SHOC2: variants seen among roughly 807,000 people sequenced by gnomAD.
SHOC2 encodes SHOC2 leucine rich repeat scaffold protein, also known as leucine-rich repeat protein SHOC-2.
Under a neutral mutation model 50.2 loss-of-function variants are expected in SHOC2, and 4 were observed. The observed-to-expected ratio is 0.08, with a 90% CI of 0.04 to 0.18. SHOC2 has a LOEUF of 0.18. Ranked by LOEUF, SHOC2 falls within the 10% of genes least tolerant of loss-of-function variation. SHOC2 has a pLI of 1.00. For missense variants in SHOC2, 388 were observed against 669.6 expected (o/e 0.58, Z 4.64); for synonymous variants, 218 against 244.5 (o/e 0.89, Z 1.01).
At chr10:110,995,187 C>T (rs1317019164) in intron 3 of SHOC2, among the ~76,000 whole-genome samples, 1 of 152,152 alleles carries the variant, frequency 6.6e-6, no homozygotes, top group Non-Finnish European at 1.5e-5. Flanking sequence ...ATGCTTAGCA[C>T]TGAAACCAAT....
At chr10:110,929,679 C>T (rs936586394) in intron 1 of SHOC2, among the ~76,000 whole-genome samples, 1 of 152,194 alleles carries the variant, frequency 6.6e-6, no homozygotes, top group African/African-American at 2.4e-5. Flanking sequence ...AGCAAGTTCT[C>T]TGGTCTCCTC....
chr10:110,994,390 T>TATTA (rs1848233462), intron 3 of SHOC2, among the ~76,000 whole-genome samples: 1 of 152,202 alleles, frequency 6.6e-6, no homozygotes, highest in African/African-American at 2.4e-5. Flanking sequence ...TTTTGTTATT[T>TATTA]ATTAAAATTT....
chr10:111,000,581 G>T (rs762387345), intron 4 of SHOC2, 36 bp downstream of exon 4: 1 of 1,563,722 alleles, frequency 6.4e-7, no homozygotes, highest in Non-Finnish European at 8.8e-7. Flanking sequence ...GATTTGAAAT[G>T]AGTCTGCAAG....
intron 3 of SHOC2, among the ~76,000 whole-genome samples, chr10:110,991,632 A>G (rs1370323239): frequency 6.6e-6 from 1 of 152,162 alleles, no homozygotes; most frequent in Non-Finnish European, 1.5e-5. Flanking sequence ...TAAAATAATT[A>G]CTTTATCTTT....
chr10:110,952,242 A>T (rs992329459), intron 1 of SHOC2, among the ~76,000 whole-genome samples: 1 of 152,186 alleles, frequency 6.6e-6, no homozygotes, highest in Middle Eastern at 3.2e-3. Flanking sequence ...AGCAAAATTG[A>T]GTTGGAAGTA....
intron 1 of SHOC2, among the ~76,000 whole-genome samples, chr10:110,941,204 G>A (rs1847137593): frequency 6.6e-6 from 1 of 151,394 alleles, no homozygotes; most frequent in Non-Finnish European, 1.5e-5. Flanking sequence ...ATTTTAATTT[G>A]CATTTTCCTA....
At chr10:110,921,495 C>T (rs909790615) in intron 1 of SHOC2, among the ~76,000 whole-genome samples, 2 of 152,074 alleles carry the variant, frequency 1.3e-5, no homozygotes, top group African/African-American at 2.4e-5. Flanking sequence ...ATGGACATGT[C>T]TTTAAGGGTA....
At chr10:110,979,679 C>G (rs1438894995) in intron 2 of SHOC2, among the ~76,000 whole-genome samples, 2 of 152,202 alleles carry the variant, frequency 1.3e-5, no homozygotes, top group African/African-American at 4.8e-5. Flanking sequence ...CAAAAATGTT[C>G]TACCATGATA....
intron 1 of SHOC2, chr10:110,937,053 G>A (rs774657234): frequency 5.4e-6 from 8 of 1,487,552 alleles, no homozygotes; most frequent in South Asian, 3.4e-5. Context: ...GTGTTCATCC[G>A]CTTGCGGAGG....
chr10:110,938,274 G>A (rs1464310467), intron 1 of SHOC2, among the ~76,000 whole-genome samples: 1 of 152,106 alleles, frequency 6.6e-6, no homozygotes, highest in Non-Finnish European at 1.5e-5. Flanking sequence ...GAGAAGCTAA[G>A]TATTTTTTCC....
chr10:110,972,845 A>T (rs1847808600), intron 2 of SHOC2, among the ~76,000 whole-genome samples: 1 of 152,188 alleles, frequency 6.6e-6, no homozygotes, highest in South Asian at 2.1e-4. Context: ...GAGAAAAAAA[A>T]ATGGAACACA....
intron 1 of SHOC2, among the ~76,000 whole-genome samples, chr10:110,948,088 G>A (rs947168714): frequency 6.6e-6 from 1 of 152,072 alleles, no homozygotes; most frequent in Non-Finnish European, 1.5e-5. Context: ...ATTTATGTAA[G>A]ATAAAATAGA....
chr10:110,945,671 C>T (rs1200029278), intron 1 of SHOC2, among the ~76,000 whole-genome samples: 1 of 152,178 alleles, frequency 6.6e-6, no homozygotes, highest in Non-Finnish European at 1.5e-5. Flanking sequence ...TTGACTCTCC[C>T]TATCTCCACC....
At chr10:110,979,456 C>G (rs1317532148) in intron 2 of SHOC2, among the ~76,000 whole-genome samples, 1 of 152,156 alleles carries the variant, frequency 6.6e-6, no homozygotes, top group Non-Finnish European at 1.5e-5. Context: ...ATAACGTATA[C>G]AATTATTCAT....
intron 2 of SHOC2, among the ~76,000 whole-genome samples, chr10:110,982,846 C>G (rs1037859081): frequency 6.6e-6 from 1 of 152,086 alleles, no homozygotes; most frequent in East Asian, 1.9e-4. Flanking sequence ...GGTAATACCT[C>G]ATAAAATGAG....
intron 1 of SHOC2, chr10:110,937,077 T>TC: frequency 6.8e-7 from 1 of 1,475,192 alleles, no homozygotes; most frequent in Non-Finnish European, 9.5e-7. Context: ...GCCAAGTACT[T>TC]CAACTTGTTT....
Position 111,011,660 on chromosome 10 carries a change from C to T in SHOC2, c.1591C>T (p.His531Tyr). 6.2e-7 allele frequency: 1 copy of T among 1,613,978 alleles called. No individual in the cohort carries two copies. Among genetic ancestry groups the T allele is most frequent in the East Asian group, 2.2e-5 (1 of 44,876 alleles). The change falls in exon 9 of 9, where the codon CAT (histidine) becomes TAT (tyrosine). Residue 531 changes from histidine (H) to tyrosine (Y), a missense_variant. His to Tyr is a moderately conservative substitution (Grantham distance 83). Transcript: ENST00000369452. Reference sequence around the variant, plus strand: ...GTATTTGAATGACAACCCCAACCTGCATAGCCTTCCCTTTGAGCTGGCACT... The same window carrying T: ...GTATTTGAATGACAACCCCAACCTGTATAGCCTTCCCTTTGAGCTGGCACT... ...ELYLNDNPNL[H>Y]SLPFELALCS...
chr10:110,940,191 G>C (rs1847107841), intron 1 of SHOC2, among the ~76,000 whole-genome samples: 1 of 152,102 alleles, frequency 6.6e-6, no homozygotes. Flanking sequence ...TGTGTATTTT[G>C]TTGGCCACTC....
intron 2 of SHOC2, among the ~76,000 whole-genome samples, chr10:110,985,200 C>T (rs60268746): frequency 0.019 from 2,838 of 152,188 alleles, 84 homozygotes; most frequent in African/African-American, 0.064. Context: ...GACCCTCAAA[C>T]TGAACTCAAG....
Sources: gnomAD v4.1 joint callset for allele counts (sites outside exome capture counted in the v4.1 genomes callset) on GRCh38, gnomAD v4.1.1 for gene constraint, MANE v1.5 for transcripts, NCBI Gene and HGNC (gene_info 2026-07-23, HGNC 2026-07-21) for gene names.